The following NBEAL2 variants were observed in gnomAD, a reference collection of about 807,000 sequenced individuals.
NBEAL2 encodes neurobeachin like 2, also known as neurobeachin-like protein 2.
Under a neutral mutation model 299.8 loss-of-function variants are expected in NBEAL2, and 160 were observed. The observed-to-expected ratio is 0.53, with a 90% CI of 0.47 to 0.61. The LOEUF (loss-of-function observed/expected upper bound fraction) is 0.61, where lower values mean the gene tolerates loss of function less well. Among genes scored for constraint, NBEAL2 ranks in the 20% least tolerant of loss-of-function variants. NBEAL2 has a pLI of 0.00. For missense variants in NBEAL2, 3,112 were observed against 3,649.0 expected (o/e 0.85, Z 3.79); for synonymous variants, 1,493 against 1,542.3 (o/e 0.97, Z 0.75).
At position 47,005,200 on chromosome 3, in the gene NBEAL2, C is replaced by T. The variant is rs1158863806; in HGVS notation, c.6439C>T (p.Pro2147Ser). ...CCCCAGGTATGAAAGCTTTGAGGAC[C>T]CAGCAGGGACCATTGACAAGTTCCA... ...VREKYESFED[P>S]AGTIDKFHYG... The change falls in exon 40 of 54, where the codon CCA becomes TCA. Residue 2147 changes from proline (P) to serine (S), a missense_variant. This residue lies in a region of NBEAL2 where 521 missense variants were observed against 729.6 expected (regional missense o/e 0.71). Transcript: ENST00000450053. 3 of 1,613,782 alleles carry T rather than the reference C, an allele frequency of 1.9e-6. No homozygotes were observed. The highest frequency in any genetic ancestry group is 1.3e-5 in the African/African-American group (1 of 75,054).
Position 46,988,025 on chromosome 3 carries a change from C to T in NBEAL2, c.52-644C>T. 1 of 1,279,846 alleles carries T rather than the reference C, an allele frequency of 7.8e-7. No homozygotes were observed. Among genetic ancestry groups the T allele is most frequent in the Non-Finnish European group, 1.0e-6 (1 of 984,096 alleles). 79.3% of individuals were successfully genotyped at this position (1,279,846 alleles called of 1,614,324 possible). ...TTTCCTGGCAGCGCCTAGACCTGGG[C>T]TTAGCCACTGCCCCTCTTGCCCATG... On this transcript the variant is annotated intron_variant, in intron 1 of 53. Transcript: ENST00000450053. The surrounding 1 kb of genome is among the most constrained non-coding windows in gnomAD (Gnocchi z 4.4).
intron 1 of NBEAL2, among the ~76,000 whole-genome samples, chr3:46,980,361 A>G (rs549124817): frequency 6.6e-4 from 100 of 152,220 alleles, no homozygotes; most frequent in Admixed American, 2.7e-3. Context: ...GTCGTGGCCA[A>G]CGGGTCTGGG....
Position 47,008,642 on chromosome 3 carries a change from C to T in NBEAL2, c.8001C>T (p.Cys2667=), listed in dbSNP as rs1279432645. 3.7e-6 allele frequency: 6 copies of T among 1,613,404 alleles called. No homozygotes were observed. Among genetic ancestry groups the T allele is most frequent in the Admixed American group, 1.7e-5 (1 of 60,026 alleles). ...EDFVLLGTAQ[C]ALHILQLNTL... is the part of the protein sequence containing the mutation. ...TTGTGTTGCTGGGCACCGCCCAGTG[C>T]GCCCTGCACATCCTCCAACTAAACA... The change falls in exon 52 of 54, where the codon TGC becomes TGT. Residue 2667 remains cysteine (C), a synonymous_variant. Coordinates refer to ENST00000450053, the MANE Select transcript of NBEAL2 (RefSeq NM_015175.3).
chr3:46,981,422 C>T (rs988607223), intron 1 of NBEAL2, among the ~76,000 whole-genome samples: 1 of 152,222 alleles, frequency 6.6e-6, no homozygotes, highest in Admixed American at 6.5e-5. Flanking sequence ...AGCCTGGTGA[C>T]AGAGTGAGAC....
rs759384463 is a variant in NBEAL2 at position 47,007,883 on chromosome 3, G to A, written c.7575G>A (p.Thr2525=). 96 of 1,613,360 alleles carry A rather than the reference G, an allele frequency of 6.0e-5. No homozygotes were observed. The highest frequency in any genetic ancestry group is 3.3e-4 in the Admixed American group (20 of 59,954). Residue 2525 remains threonine, a synonymous_variant, in exon 49 of 54, where the codon ACG becomes ACA. Transcript: ENST00000450053. ...IYLISGSRDT[T]CMVWRLLHQG... is the part of the protein sequence containing the mutation. ...TCATCTCAGGCTCCCGGGACACCAC[G>A]TGCATGGTGTGGCGGCTCCTGCATC...
At chr3:46,984,614 C>A (rs1300813207) in intron 1 of NBEAL2, among the ~76,000 whole-genome samples, 1 of 152,184 alleles carries the variant, frequency 6.6e-6, no homozygotes, top group Non-Finnish European at 1.5e-5. Flanking sequence ...ATGGGGGGAC[C>A]CCCTAGGCCT....
Position 46,979,921 on chromosome 3 carries a change from G to T in NBEAL2, c.51+9G>T, listed in dbSNP as rs1250708345. The T allele has an allele frequency of 5.2e-6, 2 of 385,976 alleles. No individual in the cohort carries two copies. Among genetic ancestry groups the T allele is most frequent in the South Asian group, 7.8e-5 (1 of 12,782 alleles). The allele number at this position is 385,976 out of a possible 1,614,324, so 23.9% of individuals were successfully genotyped here. ...TGCTCTACTACGCGCAGGTGAGCCC[G>T]CCCCGCCCCGCGCCCGCACCCGCAC... On this transcript the variant is annotated intron_variant, in intron 1 of 53. Coordinates refer to ENST00000450053, the MANE Select transcript of NBEAL2 (RefSeq NM_015175.3).
chr3:46,997,513 A>G (rs1257082602), intron 19 of NBEAL2, 48 bp from the exon 20 acceptor site: 3 of 1,585,352 alleles, frequency 1.9e-6, no homozygotes, highest in South Asian at 1.1e-5. Context: ...TCTCCTGGCC[A>G]CTGGCAGGCC....
At position 47,006,010 on chromosome 3, in the gene NBEAL2, G is replaced by C; in HGVS notation, c.6866G>C (p.Arg2289Pro). The C allele has an allele frequency of 6.2e-7, 1 of 1,613,754 alleles. No homozygotes were observed. The highest frequency in any genetic ancestry group is 8.5e-7 in the Non-Finnish European group (1 of 1,179,886). The change falls in exon 43 of 54, where the codon CGG (arginine) becomes CCG (proline). Residue 2289 changes from arginine to proline, a missense_variant. This residue lies in a region of NBEAL2 where 521 missense variants were observed against 729.6 expected (regional missense o/e 0.71). Coordinates refer to ENST00000450053, the MANE Select transcript of NBEAL2 (RefSeq NM_015175.3). Reference protein sequence around the residue: ...WIDLIFGYKQRGPAAEEALNV... With the variant: ...WIDLIFGYKQPGPAAEEALNV... ...GACCTCATCTTTGGCTACAAGCAGC[G>C]GGGGCCAGCCGCCGAGGAGGCCCTC...
In NBEAL2 at chr3:46,996,289, A is replaced by C; in HGVS notation, c.2170A>C (p.Ile724Leu). The part of the protein sequence containing the change: ...SLSEPFSSCC[I>L]GSAGYRTTTT... ...CCCACAGCCTTTCTCCTCCTGCTGT[A>C]TCGGCTCCGCTGGATACCGCACAAC... is the stretch of plus-strand genomic sequence containing the variant. Residue 724 changes from isoleucine to leucine, a missense_variant, in exon 16 of 54, where the codon ATC becomes CTC. Around this residue, in one of 3 missense-constraint regions of NBEAL2, gnomAD observed 2,243 missense variants for 2,538.1 expected, o/e 0.88. Transcript: ENST00000450053. 12 of 1,608,088 alleles carry C rather than the reference A, an allele frequency of 7.5e-6. No individual in the cohort carries two copies. The highest frequency in any genetic ancestry group is 9.3e-6 in the Non-Finnish European group (11 of 1,179,822).
chr3:46,988,110 G>T lies in NBEAL2; in HGVS notation c.52-559G>T, dbSNP rs773741902. 75 of 1,176,414 alleles carry T rather than the reference G, an allele frequency of 6.4e-5. No individual in the cohort carries two copies. Among genetic ancestry groups the T allele is most frequent in the Non-Finnish European group, 9.7e-6 (9 of 927,402 alleles). The allele number at this position is 1,176,414 out of a possible 1,614,324, so 72.9% of individuals were successfully genotyped here. ...GCAAGGGTGGGTGGAGGTTCCCGGG[G>T]CAAGGCAGGGCCGCACATGAGGATG... is the stretch of plus-strand genomic sequence containing the variant. On this transcript the variant is annotated intron_variant, in intron 1 of 53. Transcript: ENST00000450053. This position sits in a 1 kb window ranked among gnomAD's most constrained non-coding sequence, Gnocchi z 4.4.
At position 47,003,735 on chromosome 3, in the gene NBEAL2, C is replaced by CA; in HGVS notation, c.5721-79dup. ...TCATGAGAGTATATACCCCATGACT[C>CA]AATGGCACTTGGATGCCCTTTGGGC... On this transcript the variant is annotated intron_variant, in intron 35 of 53. Transcript: ENST00000450053. The surrounding 1 kb of genome is among the most constrained non-coding windows in gnomAD (Gnocchi z 7.0). The CA allele has an allele frequency of 6.8e-7, 1 of 1,479,692 alleles. No homozygotes were observed. Among genetic ancestry groups the CA allele is most frequent in the Non-Finnish European group, 9.0e-7 (1 of 1,105,744 alleles). 91.7% of individuals were successfully genotyped at this position (1,479,692 alleles called of 1,614,324 possible).
Position 47,008,522 on chromosome 3 carries a change from C to A in NBEAL2, c.7881C>A (p.Val2627=). Residue 2627 remains valine (V), a splice_region_variant and synonymous_variant, in exon 52 of 54, where the codon GTC becomes GTA. Coordinates refer to ENST00000450053, the MANE Select transcript of NBEAL2 (RefSeq NM_015175.3). ...CTGACACTCCCTGCTTCCTCCAGGT[C>A]ACCTACTCCTTGCACCTGTATTCAG... ...SSAWERPGAQ[V]TYSLHLYSVN... 3.7e-6 allele frequency: 6 copies of A among 1,612,932 alleles called. No individual in the cohort carries two copies. The South Asian group carries it at 5.5e-5, about 15-fold the overall frequency.
In NBEAL2 at chr3:46,991,569, G is replaced by A. The variant is rs757616984; in HGVS notation, c.806G>A (p.Arg269His). The change falls in exon 8 of 54, where the codon CGT becomes CAT. Residue 269 changes from arginine to histidine, a missense_variant. Physicochemically the swap from Arg to His is conservative, Grantham distance 29. Around this residue, in one of 3 missense-constraint regions of NBEAL2, gnomAD observed 2,243 missense variants for 2,538.1 expected, o/e 0.88. Coordinates refer to ENST00000450053, the MANE Select transcript of NBEAL2 (RefSeq NM_015175.3). This position sits in a 1 kb window ranked among gnomAD's most constrained non-coding sequence, Gnocchi z 6.2. Reference sequence around the variant, plus strand: ...TTGCATGCCAGCCGCGCACCTCCTCGTGGCCCAGAGCTTCGTGCCCTGCTT... The same window carrying A: ...TTGCATGCCAGCCGCGCACCTCCTCATGGCCCAGAGCTTCGTGCCCTGCTT... Reference protein sequence around the residue: ...HVLHASRAPPRGPELRALLES... With the variant: ...HVLHASRAPPHGPELRALLES... 3.3e-5 allele frequency: 53 copies of A among 1,603,460 alleles called. 1 individual carries two copies. The highest frequency in any genetic ancestry group is 1.2e-4 in the South Asian group (11 of 91,086).
At position 47,008,375 on chromosome 3, in the gene NBEAL2, C is replaced by T. The variant is rs1559624491; in HGVS notation, c.7812C>T (p.His2604=). The change falls in exon 51 of 54, where the codon CAC becomes CAT. Residue 2604 remains histidine, a synonymous_variant. Coordinates refer to ENST00000450053, the MANE Select transcript of NBEAL2 (RefSeq NM_015175.3). ...CCACATTCCCTGGACCTATTTTCCACCTGGCATTGGGGTCCGAAGGCCAGA... is the reference window on the plus strand; with the variant it reads ...CCACATTCCCTGGACCTATTTTCCATCTGGCATTGGGGTCCGAAGGCCAGA... ...LGATFPGPIF[H]LALGSEGQIV... The T allele has an allele frequency of 6.2e-7, 1 of 1,613,784 alleles. No individual in the cohort carries two copies. The highest frequency in any genetic ancestry group is 8.5e-7 in the Non-Finnish European group (1 of 1,179,842).
intron 21 of NBEAL2, 99 bp downstream of exon 21, chr3:46,998,325 G>A (rs2107365570): frequency 6.6e-7 from 1 of 1,525,472 alleles, no homozygotes; most frequent in Non-Finnish European, 8.9e-7. Flanking sequence ...CACCTGTTAG[G>A]AATCCAGAAT....
rs1243889066 is a variant in NBEAL2, at chr3:47,005,326, G to A, written c.6560+5G>A. On this transcript the variant is annotated splice_donor_5th_base_variant and intron_variant, in intron 40 of 53. Transcript: ENST00000450053. ...CGTCCAGCTGCAAAGTGGCCGGTGC[G>A]GCCCAGGGGCTGGTGGGCAGACTAG... is the stretch of plus-strand genomic sequence containing the variant. 9 of 1,609,652 alleles carry A rather than the reference G, an allele frequency of 5.6e-6. No homozygotes were observed. The highest frequency in any genetic ancestry group is 1.1e-5 in the South Asian group (1 of 90,576).
rs1024734251 is a variant in NBEAL2 at position 46,999,464 on chromosome 3, C to G, written c.3693C>G (p.Phe1231Leu). ...TCTGCCAGGGCCTCTACAAGCTGTT[C>G]CTGGGGGCAGGTACAACCTGGTTAA... The part of the protein sequence containing the change: ...PQLCQGLYKL[F>L]LGADCLNLSD... The change falls in exon 25 of 54, where the codon TTC becomes TTG. Residue 1231 changes from phenylalanine (F) to leucine (L), a missense_variant. Phe to Leu is a conservative substitution (Grantham distance 22, BLOSUM62 0). Around this residue, in one of 3 missense-constraint regions of NBEAL2, gnomAD observed 2,243 missense variants for 2,538.1 expected, o/e 0.88. Coordinates refer to ENST00000450053, the MANE Select transcript of NBEAL2 (RefSeq NM_015175.3). 9 of 1,580,170 alleles carry G rather than the reference C, an allele frequency of 5.7e-6. No individual in the cohort carries two copies. The highest frequency in any genetic ancestry group is 7.7e-6 in the Non-Finnish European group (9 of 1,163,090).
At chr3:46,997,968 G>A (rs2107361606) in intron 20 of NBEAL2, 99 bp from the exon 21 acceptor site, 1 of 1,397,994 alleles carries the variant, frequency 7.2e-7, no homozygotes, top group Non-Finnish European at 9.5e-7. Context: ...GGCCATGTTT[G>A]TGGCCGTCAT....
Sources: gnomAD v4.1 joint callset for allele counts (sites outside exome capture counted in the v4.1 genomes callset) on GRCh38, gnomAD v4.1.1 for gene constraint, gnomAD v4.1.1 regional missense constraint, Gnocchi (gnomAD v3.1) non-coding constraint, MANE v1.5 for transcripts, NCBI Gene and HGNC (gene_info 2026-07-23, HGNC 2026-07-21) for gene names.